Variants in KCND2 observed in about 807,000 individuals in gnomAD.
KCND2 encodes the protein potassium voltage-gated channel subfamily D member 2.
In KCND2, 16 loss-of-function variants were observed where a neutral mutation model predicts 54.4. The observed-to-expected ratio is 0.29, with a 90% CI of 0.20 to 0.45. The LOEUF is 0.45. Ranked by LOEUF, KCND2 falls within the 20% of genes least tolerant of loss-of-function variation. KCND2 has a pLI of 1.00. For missense variants in KCND2, 486 were observed against 824.2 expected, an observed-to-expected ratio of 0.59 and a Z score of 5.02; for synonymous variants, 317 against 310.7, an observed-to-expected ratio of 1.02 and a Z score of -0.21.
intron 1 of KCND2, among the ~76,000 whole-genome samples, chr7:120,370,024 A>G (rs976226915): frequency 3.3e-5 from 5 of 152,144 alleles, no homozygotes; most frequent in East Asian, 1.9e-4. Context: ...GAGACTTGCA[A>G]TGAAAACAAA....
At chr7:120,467,728 G>GCTGAA (rs1802400024) in intron 1 of KCND2, among the ~76,000 whole-genome samples, 1 of 152,022 alleles carries the variant, frequency 6.6e-6, no homozygotes, top group Admixed American at 6.6e-5. Context: ...TTTGTCATCT[G>GCTGAA]CGTTCAGTTT....
At chr7:120,349,476 T>A (rs1346408212) in intron 1 of KCND2, among the ~76,000 whole-genome samples, 5 of 152,216 alleles carry the variant, frequency 3.3e-5, no homozygotes, top group Non-Finnish European at 7.3e-5. Flanking sequence ...GAACTACTAT[T>A]ACTAGAGTTT....
chr7:120,631,551 A>T (rs1481495807), intron 1 of KCND2, among the ~76,000 whole-genome samples: 1 of 152,084 alleles, frequency 6.6e-6, no homozygotes, highest in African/African-American at 2.4e-5. Context: ...CTGGCAAGAT[A>T]TAAAATTGCA....
In KCND2 at chr7:120,487,464, G is replaced by A. The variant is rs141801092; in HGVS notation, c.1115+211717G>A. ...ACAGAGACAGACACAGAGAGATGGA[G>A]GGAAACTCTGGGAAATAGAATGAAA... On this transcript the variant is annotated intron_variant, in intron 1 of 5. Coordinates refer to ENST00000331113, the MANE Select transcript of KCND2 (RefSeq NM_012281.3). Among the ~76,000 whole-genome samples the A allele has an allele frequency of 4.0e-4, 61 of 152,256 alleles. 1 individual carries two copies. Among genetic ancestry groups the A allele is most frequent in the African/African-American group, 1.3e-3 (55 of 41,538 alleles).
chr7:120,507,497 C>A (rs1419062077), intron 1 of KCND2, among the ~76,000 whole-genome samples: 3 of 151,898 alleles, frequency 2.0e-5, no homozygotes, highest in African/African-American at 7.2e-5. Context: ...GGGATGTAAG[C>A]AGAAGTCTTG....
At chr7:120,452,509 T>C (rs1339066964) in intron 1 of KCND2, among the ~76,000 whole-genome samples, 2 of 151,976 alleles carry the variant, frequency 1.3e-5, no homozygotes, top group Non-Finnish European at 2.9e-5. Flanking sequence ...GACACTGGGC[T>C]GAAGGGGAAG....
At chr7:120,339,126 C>T (rs758093383) in intron 1 of KCND2, among the ~76,000 whole-genome samples, 27 of 151,164 alleles carry the variant, frequency 1.8e-4, no homozygotes, top group Admixed American at 5.9e-4. Context: ...AATCTGACCT[C>T]GTGATCCGCC....
At chr7:120,353,132 A>ATTTTTTT (rs1491194211) in intron 1 of KCND2, among the ~76,000 whole-genome samples, 11 of 75,004 alleles carry the variant, frequency 1.5e-4, no homozygotes, top group Admixed American at 3.2e-4. Context: ...AAATACTTTT[A>ATTTTTTT]CTTTTTTTTT....
At chr7:120,354,484 G>A (rs1044509074) in intron 1 of KCND2, among the ~76,000 whole-genome samples, 2 of 152,216 alleles carry the variant, frequency 1.3e-5, no homozygotes, top group African/African-American at 4.8e-5. Flanking sequence ...AGTATGGAAA[G>A]CCCATTGCTA....
chr7:120,455,775 C>G (rs906251027), intron 1 of KCND2, among the ~76,000 whole-genome samples: 4 of 151,978 alleles, frequency 2.6e-5, no homozygotes, highest in Non-Finnish European at 5.9e-5. Context: ...ATAGTAGGAG[C>G]TAAAGACTGA....
intron 1 of KCND2, among the ~76,000 whole-genome samples, chr7:120,705,069 T>A (rs192819690): frequency 4.6e-5 from 7 of 152,286 alleles, no homozygotes; most frequent in African/African-American, 1.7e-4. Flanking sequence ...GATGTGAGTT[T>A]ACCAGAAGCA....
At chr7:120,481,501 A>G (rs2116280837) in intron 1 of KCND2, among the ~76,000 whole-genome samples, 1 of 152,344 alleles carries the variant, frequency 6.6e-6, no homozygotes, top group South Asian at 2.1e-4. Context: ...AGAAGGGATC[A>G]AGGTGCTATT....
intron 1 of KCND2, among the ~76,000 whole-genome samples, chr7:120,313,458 TA>T (rs1334864997): frequency 5.9e-5 from 9 of 152,290 alleles, no homozygotes; most frequent in African/African-American, 2.2e-4. Flanking sequence ...GAAATATTAT[TA>T]AAATTTTAAA....
At chr7:120,312,509 C>T (rs543649345) in intron 1 of KCND2, among the ~76,000 whole-genome samples, 1 of 152,256 alleles carries the variant, frequency 6.6e-6, no homozygotes, top group South Asian at 2.1e-4. Flanking sequence ...TGAGTTCATG[C>T]AGCTAGCGAG....
chr7:120,521,792 G>T (rs1414201406), intron 1 of KCND2, among the ~76,000 whole-genome samples: 2 of 152,118 alleles, frequency 1.3e-5, no homozygotes, highest in Non-Finnish European at 2.9e-5. Flanking sequence ...GCATACACAT[G>T]TATAAACACA....
chr7:120,551,232 AT>A (rs1204288186), intron 1 of KCND2, among the ~76,000 whole-genome samples: 1 of 152,240 alleles, frequency 6.6e-6, no homozygotes. Context: ...GCATATAAAA[AT>A]TCTCTACTTA....
rs1792996989 is a variant in KCND2 at position 120,745,677 on chromosome 7, C to T, written c.1468-103C>T. ...GTTTTATTTAACCATTGTATCAAGTCTAACTATACTTGGGCAGATTTGAGC... is the reference window on the plus strand; with the variant it reads ...GTTTTATTTAACCATTGTATCAAGTTTAACTATACTTGGGCAGATTTGAGC... On this transcript the variant is annotated intron_variant, in intron 4 of 5. Transcript: ENST00000331113. The T allele has an allele frequency of 6.7e-6, 8 of 1,201,148 alleles. No homozygotes were observed. In the South Asian group the frequency reaches 9.0e-5, roughly 14 times the overall value. 74.4% of individuals were successfully genotyped at this position (1,201,148 alleles called of 1,614,324 possible).
At chr7:120,730,147 C>T (rs1016365681) in intron 1 of KCND2, among the ~76,000 whole-genome samples, 2 of 152,058 alleles carry the variant, frequency 1.3e-5, no homozygotes, top group African/African-American at 4.8e-5. Context: ...ATTACATGGA[C>T]TCAGTCCTTG....
At chr7:120,585,314 G>A (rs569021757) in intron 1 of KCND2, among the ~76,000 whole-genome samples, 7 of 152,204 alleles carry the variant, frequency 4.6e-5, no homozygotes, top group African/African-American at 1.7e-4. Context: ...GAAGGGGATG[G>A]GGGGTGGAGT....
Sources: allele counts gnomAD v4.1 joint callset (sites outside exome capture counted in the v4.1 genomes callset), GRCh38; gene constraint gnomAD v4.1.1; transcripts MANE v1.5; gene names NCBI Gene and HGNC (gene_info 2026-07-23, HGNC 2026-07-21).